Variants in PARP1 observed in about 807,000 individuals in gnomAD.
PARP1 encodes the protein poly [ADP-ribose] polymerase 1.
PARP1 carries 44 observed loss-of-function variants against 118.7 expected under a neutral mutation model. The ratio of observed to expected loss-of-function variants is 0.37; its 90% CI spans 0.29 to 0.48. The LOEUF is 0.48. PARP1 is among the 20% of genes least tolerant of loss of function. PARP1 has a pLI of 0.99. For synonymous variants in PARP1, 492 were observed against 483.2 expected, an observed-to-expected ratio of 1.02 and a Z score of -0.24; for missense variants, 1,100 against 1,272.4, an observed-to-expected ratio of 0.86 and a Z score of 2.06.
intron 4 of PARP1, 90 bp downstream of exon 4, chr1:226,390,320 C>G (rs541434403): frequency 6.3e-6 from 7 of 1,108,990 alleles, no homozygotes; most frequent in East Asian, 2.4e-5. Context: ...CGAAGGGAAA[C>G]AGAGGAGTGG....
chr1:226,368,297 A>C lies in PARP1; in HGVS notation c.2179T>G (p.Ser727Ala), dbSNP rs369734863. ...CGATTTGAGAGATCCAGGATCTGAG[A>C]GTCGCTGCTGCCCTGAGACACCGCC... ...QQAVSQGSSD[S>A]QILDLSNRFY... is the part of the protein sequence containing the mutation. Residue 727 changes from serine (S) to alanine (A), a missense_variant, in exon 16 of 23, where the codon TCT (serine) becomes GCT (alanine). Ser to Ala is a moderately conservative substitution (Grantham distance 99). Coordinates refer to ENST00000366794, the MANE Select transcript of PARP1 (RefSeq NM_001618.4). 3.0e-4 allele frequency: 477 copies of C among 1,614,078 alleles called. No individual in the cohort carries two copies. Among genetic ancestry groups the C allele is most frequent in the Non-Finnish European group, 3.8e-4 (446 of 1,180,032 alleles).
rs1419348847 is a variant in PARP1 at position 226,362,030 on chromosome 1, C to A, written c.2902G>T (p.Asp968Tyr). ...PSANISLDGVDVPLGTGISSG... is the reference protein window; with the variant it reads ...PSANISLDGVYVPLGTGISSG... ...GAAATCCCGGTCCCAAGAGGAACGTCTACACCATCCAGACTAATGTTAGCT... is the reference window on the plus strand; with the variant it reads ...GAAATCCCGGTCCCAAGAGGAACGTATACACCATCCAGACTAATGTTAGCT... Residue 968 changes from aspartate (D) to tyrosine (Y), a missense_variant, in exon 22 of 23, where the codon GAC (aspartate) becomes TAC (tyrosine). Physicochemically the swap from Asp to Tyr is radical, Grantham distance 160. Transcript: ENST00000366794. The A allele has an allele frequency of 6.2e-6, 10 of 1,613,860 alleles. No homozygotes were observed. The highest frequency in any genetic ancestry group is 2.2e-5 in the East Asian group (1 of 44,900).
At position 226,407,945 on chromosome 1, in the gene PARP1, G is replaced by A. The variant is rs761121310; in HGVS notation, c.-16C>T. The A allele has an allele frequency of 3.1e-6, 5 of 1,612,054 alleles. No individual in the cohort carries two copies. The highest frequency in any genetic ancestry group is 2.2e-5 in the South Asian group (2 of 91,034). ...ACTCCGCCATCCTCCCCTAGCTGCC[G>A]CCAAAGCTCCGGAAGCCCGACGCCA... On this transcript the variant is annotated 5_prime_UTR_variant, in exon 1 of 23. Coordinates refer to ENST00000366794, the MANE Select transcript of PARP1 (RefSeq NM_001618.4).
rs781752149 is a variant in PARP1, at chr1:226,379,181, T to A, written c.1706A>T (p.Tyr569Phe). The A allele has an allele frequency of 4.3e-6, 7 of 1,614,104 alleles. No individual in the cohort carries two copies. In the Admixed American group the frequency reaches 8.3e-5, roughly 19 times the overall value. ...LVDIVKGTNS[Y>F]YKLQLLEDDK... Reference sequence around the variant, plus strand: ...GTCCTCCAGAAGCTGCAGCTTGTAGTAGGAGTTGGTTCCTTTAACGATGTC... The same window carrying A: ...GTCCTCCAGAAGCTGCAGCTTGTAGAAGGAGTTGGTTCCTTTAACGATGTC... The change falls in exon 12 of 23, where the codon TAC becomes TTC. Residue 569 changes from tyrosine (Y) to phenylalanine (F), a missense_variant. By Grantham distance (22) the Tyr-to-Phe change is conservative. Coordinates refer to ENST00000366794, the MANE Select transcript of PARP1 (RefSeq NM_001618.4).
Position 226,366,022 on chromosome 1 carries a change from T to G in PARP1, c.2437A>C (p.Ile813Leu). 1 of 1,613,428 alleles carries G rather than the reference T, an allele frequency of 6.2e-7. No individual in the cohort carries two copies. The highest frequency in any genetic ancestry group is 8.5e-7 in the Non-Finnish European group (1 of 1,179,362). ...VVDRDSEEAE[I>L]IRKYVKNTHA... The stretch of plus-strand genomic sequence containing the variant: ...GTGTTCTTAACATACTTCCTGATGA[T>G]CTCGGCTTCTTCAGAATCTCTGTCA... Residue 813 changes from isoleucine to leucine, a missense_variant, in exon 18 of 23, where the codon ATC (isoleucine) becomes CTC (leucine). By Grantham distance (5) the Ile-to-Leu change is conservative. Transcript: ENST00000366794.
intron 8 of PARP1, among the ~76,000 whole-genome samples, chr1:226,381,595 A>G (rs1473948941): frequency 6.6e-6 from 1 of 152,228 alleles, no homozygotes; most frequent in East Asian, 1.9e-4. Flanking sequence ...TCCTTCTGTT[A>G]TTCTCCCAAA....
chr1:226,379,901 G>C (rs1169886255), intron 10 of PARP1, 21 bp downstream of exon 10: 11 of 1,612,724 alleles, frequency 6.8e-6, no homozygotes, highest in African/African-American at 1.3e-5. Flanking sequence ...GGCCCTGGAG[G>C]GGGCAGCTTG....
At chr1:226,374,694 G>A (rs974841129) in intron 13 of PARP1, among the ~76,000 whole-genome samples, 9 of 152,224 alleles carry the variant, frequency 5.9e-5, no homozygotes, top group Admixed American at 2.0e-4. Context: ...CAACCTGGAA[G>A]TGCTGGGCAG....
At chr1:226,363,438 C>CG (rs1322722264) in intron 20 of PARP1, among the ~76,000 whole-genome samples, 1 of 152,150 alleles carries the variant, frequency 6.6e-6, no homozygotes, top group African/African-American at 2.4e-5. Flanking sequence ...TCTAGGTTTC[C>CG]GTCCACATTC....
At chr1:226,375,998 T>C (rs139612626) in intron 13 of PARP1, among the ~76,000 whole-genome samples, 2 of 152,148 alleles carry the variant, frequency 1.3e-5, no homozygotes, top group Non-Finnish European at 2.9e-5. Flanking sequence ...TTCTCAAAAA[T>C]TTTTAAAGTA....
At chr1:226,392,566 G>C (rs1664840476) in intron 2 of PARP1, 2 of 559,062 alleles carry the variant, frequency 3.6e-6, no homozygotes, top group Non-Finnish European at 3.2e-6. Context: ...GTGGTCAGCT[G>C]TCTGACATTC....
At chr1:226,383,922 C>A (rs1196462439) in intron 7 of PARP1, among the ~76,000 whole-genome samples, 1 of 152,236 alleles carries the variant, frequency 6.6e-6, no homozygotes, top group African/African-American at 2.4e-5. Flanking sequence ...GCTTCCGACA[C>A]ACACAGACCA....
chr1:226,383,263 G>C, intron 7 of PARP1, 80 bp from the exon 8 acceptor site: 2 of 1,103,630 alleles, frequency 1.8e-6, no homozygotes, highest in South Asian at 2.7e-5. Context: ...GATTTGGCTT[G>C]TCCAAATCAA....
intron 22 of PARP1, 192 bp downstream of exon 22, chr1:226,361,777 T>TG (rs1319517098): frequency 1.7e-5 from 11 of 664,292 alleles, no homozygotes; most frequent in Non-Finnish European, 2.7e-5. Flanking sequence ...CTCTGGAAAC[T>TG]GGGGGAAGGC....
At position 226,379,935 on chromosome 1, in the gene PARP1, C is replaced by T. The variant is rs2102735365; in HGVS notation, c.1530G>A (p.Gln510=). The T allele has an allele frequency of 5.0e-6, 8 of 1,613,932 alleles. No homozygotes were observed. Among genetic ancestry groups the T allele is most frequent in the South Asian group, 1.1e-5 (1 of 91,066 alleles). Residue 510 remains glutamine, a synonymous_variant, in exon 10 of 23, where the codon CAG becomes CAA. Transcript: ENST00000366794. ...TGGGGCCCTCACCTTCCTCCTTGAC[C>T]TGGCCCTTGCTTTTTTTGGAGAGCG... The part of the protein sequence containing the change: ...GAALSKKSKG[Q]VKEEGINKSE...
chr1:226,407,807 C>G lies in PARP1; in HGVS notation c.120+3G>C. On this transcript the variant is annotated splice_donor_region_variant and intron_variant, in intron 1 of 22. Coordinates refer to ENST00000366794, the MANE Select transcript of PARP1 (RefSeq NM_001618.4). The stretch of plus-strand genomic sequence containing the variant: ...GCCCCGCCGCCCGCACAGCGGCCCG[C>G]ACCTGCACCATGATGGCCATCCGGA... 6.4e-7 allele frequency: 1 copy of G among 1,565,204 alleles called. No individual in the cohort carries two copies. Among genetic ancestry groups the G allele is most frequent in the Non-Finnish European group, 8.7e-7 (1 of 1,155,268 alleles).
In PARP1 at chr1:226,390,521, T is replaced by C; in HGVS notation, c.506A>G (p.Glu169Gly). The stretch of plus-strand genomic sequence containing the variant: ...ACTGTACTCGGGCCGGAAACCCAGC[T>C]CCTCCCTGTTCTTGACAAAGCAGCC... ...HPGCFVKNREELGFRPEYSAS... is the reference protein window; with the variant it reads ...HPGCFVKNREGLGFRPEYSAS... Residue 169 changes from glutamate (E) to glycine (G), a missense_variant, in exon 4 of 23, where the codon GAG becomes GGG. Glu to Gly is a moderately conservative substitution (Grantham distance 98). Around this residue, in one of 2 missense-constraint regions of PARP1, gnomAD observed 948 missense variants for 1,031.8 expected, o/e 0.92. Coordinates refer to ENST00000366794, the MANE Select transcript of PARP1 (RefSeq NM_001618.4). 1 of 1,614,128 alleles carries C rather than the reference T, an allele frequency of 6.2e-7. No homozygotes were observed. Among genetic ancestry groups the C allele is most frequent in the Non-Finnish European group, 8.5e-7 (1 of 1,180,028 alleles).
intron 1 of PARP1, among the ~76,000 whole-genome samples, chr1:226,403,767 C>CTAAA (rs1167365506): frequency 6.6e-6 from 1 of 152,176 alleles, no homozygotes; most frequent in Non-Finnish European, 1.5e-5. Context: ...TGTGATCTGA[C>CTAAA]TAAAGTAAGG....
Position 226,364,090 on chromosome 1 carries a change from A to G in PARP1, c.2659-20T>C, listed in dbSNP as rs1303347643. The G allele has an allele frequency of 1.9e-6, 3 of 1,613,198 alleles. No individual in the cohort carries two copies. Among genetic ancestry groups the G allele is most frequent in the African/African-American group, 1.3e-5 (1 of 74,900 alleles). Reference sequence around the variant, plus strand: ...GCCTGTCTGGAAGGTCGGAAAAGGGAGAGCTGAGAATCTTCTGATGGGAAA... The same window carrying G: ...GCCTGTCTGGAAGGTCGGAAAAGGGGGAGCTGAGAATCTTCTGATGGGAAA... On this transcript the variant is annotated intron_variant, in intron 19 of 22. Coordinates refer to ENST00000366794, the MANE Select transcript of PARP1 (RefSeq NM_001618.4).
Sources: allele counts gnomAD v4.1 joint callset (sites outside exome capture counted in the v4.1 genomes callset), GRCh38; gene constraint gnomAD v4.1.1; regional missense constraint gnomAD v4.1.1; transcripts MANE v1.5; gene names NCBI Gene and HGNC (gene_info 2026-07-23, HGNC 2026-07-21).